The following HPSE2 variants were observed in gnomAD, a reference collection of about 807,000 sequenced individuals.
HPSE2 encodes heparanase 2 (inactive).
Under a neutral mutation model 60.5 loss-of-function variants are expected in HPSE2, and 38 were observed. The ratio of observed to expected loss-of-function variants is 0.63; its 90% CI spans 0.48 to 0.82. The LOEUF is 0.82. Among genes scored for constraint, HPSE2 ranks in the 40% least tolerant of loss-of-function variants. The probability of loss-of-function intolerance (pLI) is 0.00; values close to 1 mark genes in which losing one functional copy is unlikely to be tolerated. For missense variants in HPSE2, 713 were observed against 740.4 expected, an observed-to-expected ratio of 0.96 and a Z score of 0.43; for synonymous variants, 295 against 293.2, an observed-to-expected ratio of 1.01 and a Z score of -0.06.
At chr10:98,981,463 T>A (rs1956204403) in intron 3 of HPSE2, among the ~76,000 whole-genome samples, 1 of 152,162 alleles carries the variant, frequency 6.6e-6, no homozygotes, top group East Asian at 1.9e-4. Context: ...GAGGCTCATA[T>A]CCTCATAGGC....
At chr10:98,488,076 G>T (rs1347332314) in intron 10 of HPSE2, among the ~76,000 whole-genome samples, 1 of 150,470 alleles carries the variant, frequency 6.6e-6, no homozygotes. Context: ...AGTGAGAGAG[G>T]TTGTACTGAT....
At chr10:98,841,952 G>A (rs1474463313) in intron 3 of HPSE2, among the ~76,000 whole-genome samples, 8 of 152,012 alleles carry the variant, frequency 5.3e-5, no homozygotes, top group Non-Finnish European at 7.4e-5. Flanking sequence ...GACTACAGGC[G>A]TGTGCCACCA....
chr10:98,682,363 C>A (rs552573423), intron 6 of HPSE2, among the ~76,000 whole-genome samples: 1 of 152,274 alleles, frequency 6.6e-6, no homozygotes, highest in African/African-American at 2.4e-5. Context: ...CCAATTAAAC[C>A]TCTTTTCTTT....
chr10:98,948,757 C>T (rs1481210560), intron 3 of HPSE2, among the ~76,000 whole-genome samples: 1 of 152,048 alleles, frequency 6.6e-6, no homozygotes, highest in South Asian at 2.1e-4. Context: ...ACAGCAAGAC[C>T]ACCCCCTCCT....
At chr10:98,529,686 C>T (rs532855950) in intron 9 of HPSE2, among the ~76,000 whole-genome samples, 3 of 152,282 alleles carry the variant, frequency 2.0e-5, no homozygotes, top group East Asian at 3.9e-4. Flanking sequence ...AGCCTTGTCT[C>T]GCACTTCAAG....
At chr10:98,890,379 A>C (rs1174657398) in intron 3 of HPSE2, among the ~76,000 whole-genome samples, 1 of 152,196 alleles carries the variant, frequency 6.6e-6, no homozygotes, top group Admixed American at 6.5e-5. Context: ...GAAGCCATTA[A>C]AGTAATTACT....
chr10:99,308,069 C>T, the HPSE2 span, among the ~76,000 whole-genome samples: 4 of 151,950 alleles, frequency 2.6e-5, 1 homozygote, highest in East Asian at 7.8e-4. Context: ...ATGTTCAAAG[C>T]AACATTATTC....
Position 98,939,982 on chromosome 10 carries a change from A to G in HPSE2, c.611-195926T>C, listed in dbSNP as rs1442572215. On this transcript the variant is annotated intron_variant, in intron 3 of 11. Transcript: ENST00000370552. ...CTGAACAACCTGCTCCTGAATGACTACTGGGTACACAACGAAATGAAGGCA... is the reference window on the plus strand; with the variant it reads ...CTGAACAACCTGCTCCTGAATGACTGCTGGGTACACAACGAAATGAAGGCA... Among the ~76,000 whole-genome samples, 7 of 144,036 alleles carry G rather than the reference A, an allele frequency of 4.9e-5. 2 individuals carry two copies. Among genetic ancestry groups the G allele is most frequent in the African/African-American group, 1.4e-4 (5 of 35,508 alleles). 94.5% of individuals were successfully genotyped at this position (144,036 alleles called of 152,430 possible). A position where few individuals can be genotyped will look rare whatever the true frequency, so the allele number is the denominator to read the frequency against.
At chr10:98,912,751 T>C (rs2135027605) in intron 3 of HPSE2, among the ~76,000 whole-genome samples, 1 of 151,964 alleles carries the variant, frequency 6.6e-6, no homozygotes, top group Middle Eastern at 3.4e-3. Context: ...CTCTCAGAGA[T>C]AGAGAAGAAG....
At chr10:98,474,536 C>T (rs768297838) in intron 11 of HPSE2, among the ~76,000 whole-genome samples, 3 of 152,096 alleles carry the variant, frequency 2.0e-5, no homozygotes, top group African/African-American at 4.8e-5. Context: ...TCTCTAAAGG[C>T]ATGCAGTTAG....
intron 3 of HPSE2, among the ~76,000 whole-genome samples, chr10:99,137,557 T>C (rs1845706670): frequency 6.6e-6 from 1 of 152,028 alleles, no homozygotes; most frequent in African/African-American, 2.4e-5. Flanking sequence ...TATAGACCAA[T>C]GGAAAAGAAC....
chr10:98,879,586 T>C (rs1952965146), intron 3 of HPSE2, among the ~76,000 whole-genome samples: 1 of 151,908 alleles, frequency 6.6e-6, no homozygotes, highest in African/African-American at 2.4e-5. Context: ...CCTACCATGA[T>C]GTGTATCCTG....
intron 3 of HPSE2, among the ~76,000 whole-genome samples, chr10:98,777,535 T>C (rs907196761): frequency 1.2e-4 from 18 of 152,192 alleles, no homozygotes; most frequent in African/African-American, 3.9e-4. Flanking sequence ...TTATATAATA[T>C]TAGAGGTTTT....
intron 4 of HPSE2, among the ~76,000 whole-genome samples, chr10:98,730,454 A>G (rs1013711113): frequency 6.6e-6 from 1 of 152,110 alleles, no homozygotes; most frequent in African/African-American, 2.4e-5. Context: ...CGAGCAAAAC[A>G]AAGGAATGAA....
At chr10:98,948,283 T>C (rs921443053) in intron 3 of HPSE2, among the ~76,000 whole-genome samples, 1 of 152,170 alleles carries the variant, frequency 6.6e-6, no homozygotes, top group Non-Finnish European at 1.5e-5. Flanking sequence ...TCATGAAAGA[T>C]ATTATAGATA....
chr10:98,901,869 T>C (rs545733814), intron 3 of HPSE2, among the ~76,000 whole-genome samples: 1 of 152,306 alleles, frequency 6.6e-6, no homozygotes, highest in South Asian at 2.1e-4. Flanking sequence ...AAAGAGGTAA[T>C]GCATGTAAAG....
At chr10:99,041,879 G>A (rs891877545) in intron 3 of HPSE2, among the ~76,000 whole-genome samples, 1 of 152,192 alleles carries the variant, frequency 6.6e-6, no homozygotes, top group Non-Finnish European at 1.5e-5. Context: ...CTAAGAGCCT[G>A]AGAACAGTCA....
chr10:98,993,439 A>G (rs1384688364), intron 3 of HPSE2, among the ~76,000 whole-genome samples: 1 of 152,202 alleles, frequency 6.6e-6, no homozygotes, highest in African/African-American at 2.4e-5. Context: ...GTCACAGCCT[A>G]GTTTCCCTTG....
intron 3 of HPSE2, among the ~76,000 whole-genome samples, chr10:98,875,906 T>A (rs943704339): frequency 1.3e-5 from 2 of 151,920 alleles, no homozygotes; most frequent in Admixed American, 6.6e-5. Flanking sequence ...GTTTACAGAG[T>A]AATATACTAC....
Sources: allele counts gnomAD v4.1 joint callset (sites outside exome capture counted in the v4.1 genomes callset), GRCh38; gene constraint gnomAD v4.1.1; transcripts MANE v1.5; gene names NCBI Gene and HGNC (gene_info 2026-07-23, HGNC 2026-07-21).